Variants in MAPK10 observed in about 807,000 individuals in gnomAD.
MAPK10 encodes the protein mitogen-activated protein kinase 10.
MAPK10 carries 25 observed loss-of-function variants against 59.3 expected under a neutral mutation model. The observed-to-expected ratio is 0.42, with a 90% CI of 0.31 to 0.59. The LOEUF (loss-of-function observed/expected upper bound fraction) is 0.59, where lower values mean the gene tolerates loss of function less well. Ranked by LOEUF, MAPK10 falls within the 20% of genes least tolerant of loss-of-function variation. The probability of loss-of-function intolerance (pLI) is 0.15; values close to 1 mark genes in which losing one functional copy is unlikely to be tolerated. For missense variants in MAPK10, 351 were observed against 568.9 expected (o/e 0.62, Z 3.90); for synonymous variants, 190 against 200.5 (o/e 0.95, Z 0.44).
intron 1 of MAPK10, among the ~76,000 whole-genome samples, chr4:86,427,950 T>C (rs550736513): frequency 6.6e-6 from 1 of 152,300 alleles, no homozygotes; most frequent in African/African-American, 2.4e-5. Flanking sequence ...TTTAGCTCTG[T>C]CAAAAGACAA....
At chr4:86,297,014 C>T (rs1008153678) in intron 2 of MAPK10, among the ~76,000 whole-genome samples, 3 of 152,242 alleles carry the variant, frequency 2.0e-5, no homozygotes, top group Admixed American at 2.0e-4. Flanking sequence ...GACTGCCTGG[C>T]CTGCCCTCAG....
At chr4:86,224,117 T>A (rs749972313) in intron 2 of MAPK10, among the ~76,000 whole-genome samples, 1 of 150,310 alleles carries the variant, frequency 6.7e-6, no homozygotes, top group Non-Finnish European at 1.5e-5. Flanking sequence ...TCAGTTCTAA[T>A]GATCTGAGTG....
At chr4:86,435,878 C>T (rs991065110) in intron 1 of MAPK10, among the ~76,000 whole-genome samples, 3 of 152,166 alleles carry the variant, frequency 2.0e-5, no homozygotes, top group Non-Finnish European at 4.4e-5. Flanking sequence ...CCTTCCAGGA[C>T]TAACAATAGC....
intron 4 of MAPK10, among the ~76,000 whole-genome samples, chr4:86,143,774 T>C (rs75754255): frequency 6.6e-6 from 1 of 152,318 alleles, no homozygotes; most frequent in African/African-American, 2.4e-5. Context: ...AAGGAAATCA[T>C]TGCATATGAG....
At chr4:86,199,523 G>A (rs2082143969) in intron 2 of MAPK10, among the ~76,000 whole-genome samples, 1 of 151,628 alleles carries the variant, frequency 6.6e-6, no homozygotes, top group African/African-American at 2.4e-5. Flanking sequence ...TGAAAGCAAA[G>A]GAATAAAAAA....
chr4:86,099,958 T>G (rs1182556794), intron 8 of MAPK10: 1 of 152,148 alleles, frequency 6.6e-6, no homozygotes, highest in East Asian at 1.9e-4. Flanking sequence ...TTGTAAGAGG[T>G]GACTTTTTAA....
chr4:86,381,067 A>G (rs540381282), intron 1 of MAPK10, among the ~76,000 whole-genome samples: 5 of 152,316 alleles, frequency 3.3e-5, no homozygotes, highest in East Asian at 3.9e-4. Flanking sequence ...ATGTGTTTTC[A>G]TTAGTGTCAC....
At chr4:86,494,671 G>A (rs1056287663) in intron 1 of MAPK10, among the ~76,000 whole-genome samples, 1 of 151,348 alleles carries the variant, frequency 6.6e-6, no homozygotes, top group South Asian at 2.1e-4. Flanking sequence ...TGGAAACCCC[G>A]TCTCTACTGA....
chr4:86,017,338 G>A lies in MAPK10; in HGVS notation c.1285C>T (p.Pro429Ser). The change falls in exon 14 of 14, where the codon CCA becomes TCA. Residue 429 changes from proline to serine, a missense_variant. Physicochemically the swap from Pro to Ser is moderately conservative, Grantham distance 74. Around this residue, in one of 5 missense-constraint regions of MAPK10, gnomAD observed 155 missense variants for 204.2 expected, o/e 0.76. Coordinates refer to ENST00000641462, the MANE Select transcript of MAPK10 (RefSeq NM_138982.4). The surrounding 1 kb of genome is among the most constrained non-coding windows in gnomAD (Gnocchi z 4.4). ...AAVNSSESLPPSSSVNDISSM... is the reference protein window; with the variant it reads ...AAVNSSESLPSSSSVNDISSM... ...GAGATGTCATTGACAGACGAGGATG[G>A]AGGGAGACTCTCACTGCTGTTCACT... 6 of 1,614,168 alleles carry A rather than the reference G, an allele frequency of 3.7e-6. No homozygotes were observed. The highest frequency in any genetic ancestry group is 5.1e-6 in the Non-Finnish European group (6 of 1,180,008).
chr4:86,106,353 T>C (rs774435373), intron 5 of MAPK10, among the ~76,000 whole-genome samples: 1 of 151,776 alleles, frequency 6.6e-6, no homozygotes, highest in Non-Finnish European at 1.5e-5. Flanking sequence ...ATAGCTATTA[T>C]ACTATAGAAT....
intron 1 of MAPK10, among the ~76,000 whole-genome samples, chr4:86,525,897 C>G (rs1036466458): frequency 6.6e-6 from 1 of 152,142 alleles, no homozygotes; most frequent in Non-Finnish European, 1.5e-5. Flanking sequence ...ATTTCAAACA[C>G]TAAAATGAGA....
Position 86,011,419 on chromosome 4 carries a change from G to A in MAPK10, c.*5809C>T, listed in dbSNP as rs961452289. 1 of 152,208 alleles carries A rather than the reference G, an allele frequency of 6.6e-6. No individual in the cohort carries two copies. 9.4% of individuals were successfully genotyped at this position (152,208 alleles called of 1,614,324 possible). A position where few individuals can be genotyped will look rare whatever the true frequency, so the allele number is the denominator to read the frequency against. On this transcript the variant is annotated 3_prime_UTR_variant, in exon 14 of 14. Transcript: ENST00000641462. ...ACCTCTGCCTTGGCTGTGATCCAGTGTTGTTATTGGCAAGTAGATTCATCC... is the reference window on the plus strand; with the variant it reads ...ACCTCTGCCTTGGCTGTGATCCAGTATTGTTATTGGCAAGTAGATTCATCC...
intron 3 of MAPK10, among the ~76,000 whole-genome samples, chr4:86,186,780 C>T (rs375122334): frequency 7.9e-5 from 12 of 152,144 alleles, no homozygotes; most frequent in African/African-American, 2.9e-4. Context: ...TATATGACAA[C>T]AGGGTTAAGT....
intron 5 of MAPK10, among the ~76,000 whole-genome samples, chr4:86,105,225 T>G (rs1332465863): frequency 6.6e-6 from 1 of 152,150 alleles, no homozygotes; most frequent in Admixed American, 6.6e-5. Flanking sequence ...TTGCTTTGCT[T>G]TCCACAGTAT....
intron 1 of MAPK10, among the ~76,000 whole-genome samples, chr4:86,504,009 C>A (rs764940018): frequency 2.0e-5 from 3 of 152,102 alleles, no homozygotes; most frequent in African/African-American, 7.2e-5. Context: ...AATGTCTATA[C>A]AAATGTCACC....
chr4:86,593,670 G>T (rs1763284244), intron 1 of MAPK10: 1 of 152,282 alleles, frequency 6.6e-6, no homozygotes, highest in African/African-American at 2.4e-5. Context: ...TTTCCCTAGG[G>T]CATTTGGCGT....
chr4:86,070,318 C>T (rs1370925405), intron 9 of MAPK10, among the ~76,000 whole-genome samples: 2 of 151,314 alleles, frequency 1.3e-5, no homozygotes, highest in African/African-American at 2.4e-5. Context: ...ACAACTATGT[C>T]CAATTTAGTT....
rs756057113 is a variant in MAPK10 at position 86,194,333 on chromosome 4, C to T, written c.66+3G>A. 1 of 1,611,978 alleles carries T rather than the reference C, an allele frequency of 6.2e-7. No individual in the cohort carries two copies. Among genetic ancestry groups the T allele is most frequent in the Admixed American group, 1.7e-5 (1 of 59,990 alleles). ...CCTTGTTTTACCTGTAAGGAACACA[C>T]ACCTGACAAAAGGCAATTTTCACAT... On this transcript the variant is annotated splice_donor_region_variant and intron_variant, in intron 3 of 13. Coordinates refer to ENST00000641462, the MANE Select transcript of MAPK10 (RefSeq NM_138982.4).
chr4:86,479,206 C>T (rs570123187), intron 1 of MAPK10, among the ~76,000 whole-genome samples: 55 of 152,126 alleles, frequency 3.6e-4, no homozygotes, highest in Non-Finnish European at 7.1e-4. Flanking sequence ...TGTAAGGGAC[C>T]GGCCTTTATT....
Sources: gnomAD v4.1 joint callset for allele counts (sites outside exome capture counted in the v4.1 genomes callset) on GRCh38, gnomAD v4.1.1 for gene constraint, gnomAD v4.1.1 regional missense constraint, Gnocchi (gnomAD v3.1) non-coding constraint, MANE v1.5 for transcripts, NCBI Gene and HGNC (gene_info 2026-07-23, HGNC 2026-07-21) for gene names.